C1QTNF7: variants seen among roughly 807,000 people sequenced by gnomAD.
The protein encoded by C1QTNF7 is complement C1q tumor necrosis factor-related protein 7.
C1QTNF7 carries 15 observed loss-of-function variants against 19.6 expected under a neutral mutation model. That is an observed-to-expected ratio of 0.76 (90% CI 0.51 to 1.18). The LOEUF (loss-of-function observed/expected upper bound fraction) is 1.18, where lower values mean the gene tolerates loss of function less well. C1QTNF7 is among the 50% of genes most tolerant of loss of function. C1QTNF7 has a pLI of 0.00. For synonymous variants in C1QTNF7, 142 were observed against 137.5 expected (o/e 1.03, Z -0.23); for missense variants, 324 against 359.7 (o/e 0.90, Z 0.80).
intron 1 of C1QTNF7, among the ~76,000 whole-genome samples, chr4:15,403,124 C>T (rs886884443): frequency 6.6e-6 from 1 of 152,088 alleles, no homozygotes; most frequent in Non-Finnish European, 1.5e-5. Context: ...CTGCCTGTCT[C>T]TGAGTCCCAT....
chr4:15,425,744 G>C (rs1218490549), upstream of C1QTNF7, among the ~76,000 whole-genome samples: 2 of 152,172 alleles, frequency 1.3e-5, no homozygotes, highest in Non-Finnish European at 2.9e-5. Flanking sequence ...GAGGATTAAA[G>C]AAAGTGATGC....
chr4:15,357,882 G>A (rs1717201839), intron 1 of C1QTNF7, among the ~76,000 whole-genome samples: 1 of 152,106 alleles, frequency 6.6e-6, no homozygotes, highest in Non-Finnish European at 1.5e-5. Context: ...TTTCCTCTCT[G>A]TTTGTCTATT....
intron 1 of C1QTNF7, 28 bp downstream of exon 1, chr4:15,428,134 T>C (rs1712137969): frequency 3.1e-6 from 3 of 972,798 alleles, no homozygotes; most frequent in Non-Finnish European, 3.7e-6. Context: ...TTTTTTAGAA[T>C]TTTGGCAAAT....
At chr4:15,354,394 A>AGACT (rs1323057231) in intron 1 of C1QTNF7, among the ~76,000 whole-genome samples, 2 of 152,172 alleles carry the variant, frequency 1.3e-5, no homozygotes, top group African/African-American at 4.8e-5. Context: ...TGTGGAAAGC[A>AGACT]GACTTTTAGG....
At chr4:15,389,416 TGAG>T (rs1301339357) in intron 1 of C1QTNF7, among the ~76,000 whole-genome samples, 1 of 151,912 alleles carries the variant, frequency 6.6e-6, no homozygotes, top group Non-Finnish European at 1.5e-5. Context: ...GGTAGGAAAA[TGAG>T]GAGTCTTTTT....
At chr4:15,427,618 A>G (rs1386243498), upstream of C1QTNF7, among the ~76,000 whole-genome samples, 1 of 152,220 alleles carries the variant, frequency 6.6e-6, no homozygotes, top group African/African-American at 2.4e-5. Flanking sequence ...ACAAGACACC[A>G]TCCTAGGTCC....
chr4:15,388,334 ATGC>A (rs1718418573), intron 1 of C1QTNF7, among the ~76,000 whole-genome samples: 1 of 152,232 alleles, frequency 6.6e-6, no homozygotes, highest in East Asian at 1.9e-4. Context: ...AGCAGTCGAC[ATGC>A]TTGTGTGTTT....
intron 1 of C1QTNF7, among the ~76,000 whole-genome samples, chr4:15,364,353 T>A (rs1281079437): frequency 6.6e-6 from 1 of 152,204 alleles, no homozygotes; most frequent in Non-Finnish European, 1.5e-5. Flanking sequence ...AGCTGTGTGA[T>A]CTTGGGCAAG....
chr4:15,357,781 C>T (rs1391021186), intron 1 of C1QTNF7, among the ~76,000 whole-genome samples: 2 of 152,140 alleles, frequency 1.3e-5, no homozygotes, highest in Admixed American at 6.5e-5. Context: ...TTATAGCTCT[C>T]CTTGAAGAGG....
At chr4:15,381,362 A>G (rs1718135854) in intron 1 of C1QTNF7, among the ~76,000 whole-genome samples, 2 of 151,462 alleles carry the variant, frequency 1.3e-5, no homozygotes, top group African/African-American at 4.9e-5. Context: ...GCTTGCTGTG[A>G]GCAGAGCAGA....
intron 1 of C1QTNF7, among the ~76,000 whole-genome samples, chr4:15,378,226 C>T (rs1354602132): frequency 6.6e-6 from 1 of 152,174 alleles, no homozygotes; most frequent in Non-Finnish European, 1.5e-5. Flanking sequence ...CGAAACAAAG[C>T]CATGATTAAG....
intron 1 of C1QTNF7, among the ~76,000 whole-genome samples, chr4:15,403,596 A>G (rs531078384): frequency 1.3e-5 from 2 of 152,238 alleles, no homozygotes; most frequent in South Asian, 4.1e-4. Flanking sequence ...CTCAGGATAC[A>G]TTGGATTTAG....
chr4:15,362,796 G>A (rs1717390108), intron 1 of C1QTNF7, among the ~76,000 whole-genome samples: 1 of 152,128 alleles, frequency 6.6e-6, no homozygotes, highest in Admixed American at 6.5e-5. Context: ...TTTCACACTT[G>A]ACTATCTTTT....
In C1QTNF7 at chr4:15,445,365, G is replaced by C. The variant is rs1382045147; in HGVS notation, c.*2566G>C. 1 of 152,232 alleles carries C rather than the reference G, an allele frequency of 6.6e-6. No homozygotes were observed. Among genetic ancestry groups the C allele is most frequent in the African/African-American group, 2.4e-5 (1 of 41,468 alleles). The allele number at this position is 152,232 out of a possible 1,614,324, so 9.4% of individuals were successfully genotyped here. A position where few individuals can be genotyped will look rare whatever the true frequency, so the allele number is the denominator to read the frequency against. The stretch of plus-strand genomic sequence containing the variant: ...AACTGGAAATGGAGAAGTTATTGCA[G>C]ACAGTCATGAACCACAAATCACTGT... On this transcript the variant is annotated 3_prime_UTR_variant, in exon 3 of 3. Transcript: ENST00000444304.
intron 1 of C1QTNF7, among the ~76,000 whole-genome samples, chr4:15,404,701 C>A (rs186520640): frequency 2.6e-5 from 4 of 152,106 alleles, no homozygotes; most frequent in Non-Finnish European, 5.9e-5. Flanking sequence ...AGGTTGACTG[C>A]GGTAGGGTTG....
rs1235128199 is a variant in C1QTNF7 at position 15,365,421 on chromosome 4, T to C, written c.13+25214T>C. ...ATAATAATATCTAAAATGTTTCAAATGACATTTCCACATTTGCCATCAAAA... is the reference window on the plus strand; with the variant it reads ...ATAATAATATCTAAAATGTTTCAAACGACATTTCCACATTTGCCATCAAAA... On this transcript the variant is annotated intron_variant, in intron 1 of 2. Coordinates refer to the C1QTNF7 transcript ENST00000295297. 2.0e-5 allele frequency among the ~76,000 whole-genome samples: 3 copies of C among 152,262 alleles called. No homozygotes were observed. In the East Asian group the frequency reaches 5.8e-4, roughly 29 times the overall value.
chr4:15,419,424 CAT>C (rs759971769), intron 1 of C1QTNF7, among the ~76,000 whole-genome samples: 15 of 151,994 alleles, frequency 9.9e-5, no homozygotes, highest in African/African-American at 1.5e-4. Context: ...GGCTCCAAAA[CAT>C]AACAGGGGAA....
At chr4:15,426,718 A>G (rs1445876055), upstream of C1QTNF7, among the ~76,000 whole-genome samples, 1 of 152,210 alleles carries the variant, frequency 6.6e-6, no homozygotes, top group African/African-American at 2.4e-5. Context: ...TCCCTGGCAG[A>G]GACTGGGCTA....
chr4:15,389,880 C>A (rs995049563), intron 1 of C1QTNF7, among the ~76,000 whole-genome samples: 1 of 152,158 alleles, frequency 6.6e-6, no homozygotes, highest in Non-Finnish European at 1.5e-5. Flanking sequence ...CTCACACCGT[C>A]AGCAGGGCAG....
Sources: allele counts gnomAD v4.1 joint callset (sites outside exome capture counted in the v4.1 genomes callset), GRCh38; gene constraint gnomAD v4.1.1; transcripts MANE v1.5; gene names NCBI Gene and HGNC (gene_info 2026-07-23, HGNC 2026-07-21).